Variants in SRPK2 observed in about 807,000 individuals in gnomAD.
The protein encoded by SRPK2 is SFRS protein kinase 2.
Under a neutral mutation model 90.8 loss-of-function variants are expected in SRPK2, and 21 were observed. The ratio of observed to expected loss-of-function variants is 0.23; its 90% CI spans 0.16 to 0.33. SRPK2 has a LOEUF of 0.33. Ranked by LOEUF, SRPK2 falls within the 10% of genes least tolerant of loss-of-function variation. The pLI is 1.00. For synonymous variants in SRPK2, 288 were observed against 311.1 expected (o/e 0.93, Z 0.78); for missense variants, 620 against 869.0 (o/e 0.71, Z 3.60).
intron 2 of SRPK2, among the ~76,000 whole-genome samples, chr7:105,387,074 G>C (rs908785186): frequency 1.3e-5 from 2 of 152,146 alleles, no homozygotes; most frequent in South Asian, 2.1e-4. Context: ...GACTTAATTA[G>C]AACTGTTTTT....
At chr7:105,324,857 A>G (rs1813385330) in intron 2 of SRPK2, among the ~76,000 whole-genome samples, 4 of 152,204 alleles carry the variant, frequency 2.6e-5, no homozygotes, top group Admixed American at 2.6e-4. Context: ...ACTGCACTCC[A>G]GCCTGGGTGG....
chr7:105,226,624 T>C lies in SRPK2; in HGVS notation c.72-22839A>G, dbSNP rs114426127. Among the ~76,000 whole-genome samples the C allele has an allele frequency of 2.7e-3, 418 of 152,212 alleles. 4 individuals carry two copies. Among genetic ancestry groups the C allele is most frequent in the African/African-American group, 9.8e-3 (406 of 41,512 alleles). ...TTTAAGAAGATATCCAAGCCACGCA[T>C]ACCAAAGACCTCCCCTTTAAAAGAA... On this transcript the variant is annotated intron_variant, in intron 2 of 15. Transcript: ENST00000393651.
intron 2 of SRPK2, among the ~76,000 whole-genome samples, chr7:105,277,995 C>T (rs988793771): frequency 1.3e-5 from 2 of 152,166 alleles, no homozygotes; most frequent in African/African-American, 4.8e-5. Context: ...TCAACAAGGA[C>T]AATAACATGC....
At chr7:105,280,983 A>C (rs1376553218) in intron 2 of SRPK2, among the ~76,000 whole-genome samples, 8 of 123,664 alleles carry the variant, frequency 6.5e-5, no homozygotes, top group Admixed American at 4.4e-4. Flanking sequence ...AAAAAAAAAA[A>C]AACCTTGTTT....
chr7:105,133,735 G>A (rs1042054942), intron 11 of SRPK2, among the ~76,000 whole-genome samples: 3 of 152,176 alleles, frequency 2.0e-5, no homozygotes, highest in African/African-American at 7.2e-5. Flanking sequence ...AGACAAGGAA[G>A]GTCCCAGACA....
At chr7:105,142,810 A>G (rs1480855406) in intron 10 of SRPK2, among the ~76,000 whole-genome samples, 2 of 152,262 alleles carry the variant, frequency 1.3e-5, no homozygotes, top group African/African-American at 4.8e-5. Context: ...AAAGTTAATG[A>G]CAAAATAAAG....
At chr7:105,300,465 T>C (rs538046674) in intron 2 of SRPK2, among the ~76,000 whole-genome samples, 8 of 152,240 alleles carry the variant, frequency 5.3e-5, no homozygotes, top group East Asian at 1.9e-4. Context: ...GAGGAATGTA[T>C]TGTAATATTT....
chr7:105,227,031 T>C (rs916305687), intron 2 of SRPK2, among the ~76,000 whole-genome samples: 5 of 152,094 alleles, frequency 3.3e-5, no homozygotes, highest in African/African-American at 1.2e-4. Flanking sequence ...CCTCTAGCGC[T>C]TGTGTGTCAC....
intron 2 of SRPK2, among the ~76,000 whole-genome samples, chr7:105,305,229 CAA>C (rs1306251211): frequency 2.0e-5 from 3 of 152,120 alleles, no homozygotes; most frequent in African/African-American, 7.2e-5. Context: ...CACCTGAAGT[CAA>C]GAGTTCAAGG....
intron 2 of SRPK2, among the ~76,000 whole-genome samples, chr7:105,371,348 ATAAATG>A (rs1819663266): frequency 6.6e-6 from 1 of 152,200 alleles, no homozygotes; most frequent in Non-Finnish European, 1.5e-5. Context: ...TCTGACAGTA[ATAAATG>A]TAATTTGCAG....
intron 2 of SRPK2, among the ~76,000 whole-genome samples, 192 bp downstream of exon 2, chr7:105,388,455 CG>C (rs1225321961): frequency 6.8e-6 from 1 of 147,154 alleles, no homozygotes; most frequent in African/African-American, 2.5e-5. Flanking sequence ...GAACCGGCCG[CG>C]GCCCGCGCGC....
intron 2 of SRPK2, among the ~76,000 whole-genome samples, chr7:105,385,167 C>T (rs1211668657): frequency 8.4e-6 from 1 of 119,212 alleles, no homozygotes; most frequent in Non-Finnish European, 1.7e-5. Flanking sequence ...CCACCGCGCC[C>T]GGCATTTTTT....
At chr7:105,338,436 G>A (rs555507947) in intron 2 of SRPK2, among the ~76,000 whole-genome samples, 7 of 152,140 alleles carry the variant, frequency 4.6e-5, no homozygotes, top group Admixed American at 1.3e-4. Context: ...TAGTGGAGTC[G>A]GGGTTTCACT....
chr7:105,270,409 C>T (rs1805673276), intron 2 of SRPK2, among the ~76,000 whole-genome samples: 1 of 95,036 alleles, frequency 1.1e-5, no homozygotes, highest in Non-Finnish European at 2.2e-5. Flanking sequence ...CCTCCTCTGC[C>T]CTTTTTTTTT....
intron 2 of SRPK2, among the ~76,000 whole-genome samples, chr7:105,352,415 G>T (rs1027711941): frequency 2.0e-5 from 3 of 152,190 alleles, no homozygotes; most frequent in Admixed American, 6.5e-5. Flanking sequence ...AGAGCAACAG[G>T]CAAGGCCTCC....
intron 13 of SRPK2, among the ~76,000 whole-genome samples, chr7:105,129,123 G>A (rs550941427): frequency 1.6e-4 from 25 of 152,116 alleles, no homozygotes; most frequent in South Asian, 4.2e-4. Context: ...CACCACGCCC[G>A]GCTAATTTTT....
intron 2 of SRPK2, among the ~76,000 whole-genome samples, chr7:105,235,530 C>G (rs1800020570): frequency 6.6e-6 from 1 of 152,014 alleles, no homozygotes. Flanking sequence ...AGGAAGTGTT[C>G]CCCAAGTCAA....
rs1167563508 is a variant in SRPK2, at chr7:105,244,990, C to A, written c.72-41205G>T. 8.5e-6 allele frequency: 9 copies of A among 1,062,452 alleles called. No homozygotes were observed. In the East Asian group the frequency reaches 2.3e-4, roughly 27 times the overall value. The allele number at this position is 1,062,452 out of a possible 1,614,324, so 65.8% of individuals were successfully genotyped here. On this transcript the variant is annotated intron_variant, in intron 2 of 15. Transcript: ENST00000393651. ...GACTGAGCCCCCTTCCCTGCCCTCT[C>A]CCTGAAATAAAGAACAGCTTGAGAG...
intron 13 of SRPK2, among the ~76,000 whole-genome samples, chr7:105,128,909 A>C (rs1176632532): frequency 6.6e-6 from 1 of 152,182 alleles, no homozygotes; most frequent in South Asian, 2.1e-4. Flanking sequence ...ATTCTTTGAA[A>C]AAAATCATCA....
Sources: allele counts gnomAD v4.1 joint callset (sites outside exome capture counted in the v4.1 genomes callset), GRCh38; gene constraint gnomAD v4.1.1; transcripts MANE v1.5; gene names NCBI Gene and HGNC (gene_info 2026-07-23, HGNC 2026-07-21).